KCNN3: variants seen among roughly 807,000 people sequenced by gnomAD.
The protein encoded by KCNN3 is potassium calcium-activated channel subfamily N member 3, also known as small conductance calcium-activated potassium channel protein 3.
A neutral mutation model predicts 62.9 loss-of-function variants in KCNN3; 16 were observed. The observed-to-expected ratio is 0.25, with a 90% confidence interval of 0.17 to 0.39. The LOEUF is 0.39. Among genes scored for constraint, KCNN3 ranks in the 10% least tolerant of loss-of-function variants. The probability of loss-of-function intolerance (pLI) is 1.00; values close to 1 mark genes in which losing one functional copy is unlikely to be tolerated. For missense variants in KCNN3, 599 were observed against 949.4 expected, an observed-to-expected ratio of 0.63 and a Z score of 4.85; for synonymous variants, 370 against 389.2, an observed-to-expected ratio of 0.95 and a Z score of 0.58.
intron 3 of KCNN3, among the ~76,000 whole-genome samples, chr1:154,741,050 C>A (rs1044454408): frequency 6.6e-6 from 1 of 152,196 alleles, no homozygotes; most frequent in Non-Finnish European, 1.5e-5. Context: ...ATCATTCCCT[C>A]CCTGAGATTG....
chr1:154,703,999 T>C lies in KCNN3; in HGVS notation c.*3977A>G, dbSNP rs1351063207. The stretch of plus-strand genomic sequence containing the variant: ...TTAAGATTTTTATTTATTCTGATTT[T>C]GTATGACTAGGTTTCTTCTTTTCCA... On this transcript the variant is annotated 3_prime_UTR_variant, in exon 8 of 8. Coordinates refer to ENST00000271915, the MANE Select transcript of KCNN3 (RefSeq NM_002249.6). 1 of 152,264 alleles carries C rather than the reference T, an allele frequency of 6.6e-6. No individual in the cohort carries two copies. The highest frequency in any genetic ancestry group is 1.5e-5 in the Non-Finnish European group (1 of 68,042). The allele number at this position is 152,264 out of a possible 1,614,324, so 9.4% of individuals were successfully genotyped here. A position where few individuals can be genotyped will look rare whatever the true frequency, so the allele number is the denominator to read the frequency against.
chr1:154,847,290 T>C (rs991101335), intron 1 of KCNN3, among the ~76,000 whole-genome samples: 37 of 150,114 alleles, frequency 2.5e-4, no homozygotes, highest in African/African-American at 9.1e-4. Flanking sequence ...ATCAGGTCAC[T>C]GGCCCCAGAT....
intron 4 of KCNN3, among the ~76,000 whole-genome samples, chr1:154,732,793 C>T (rs1016264544): frequency 6.6e-6 from 1 of 152,224 alleles, no homozygotes; most frequent in Middle Eastern, 3.2e-3. Flanking sequence ...GTCCAGGTCT[C>T]ATTCTTACCT....
Position 154,830,746 on chromosome 1 carries a change from C to T in KCNN3, c.934-8562G>A, listed in dbSNP as rs79730422. Among the ~76,000 whole-genome samples the T allele has an allele frequency of 2.9e-4, 44 of 152,220 alleles. No individual in the cohort carries two copies. The East Asian group carries it at 7.5e-3, about 26-fold the overall frequency. On this transcript the variant is annotated intron_variant, in intron 1 of 7. Coordinates refer to ENST00000271915, the MANE Select transcript of KCNN3 (RefSeq NM_002249.6). ...CATTCAGGTCTGAGCAGAGGGTGGC[C>T]TACTAATTTTTAGTGAAGCCAGCAT...
At position 154,809,826 on chromosome 1, in the gene KCNN3, A is replaced by G. The variant is rs1287133134; in HGVS notation, c.1029+12263T>C. On this transcript the variant is annotated intron_variant, in intron 2 of 7. Coordinates refer to ENST00000271915, the MANE Select transcript of KCNN3 (RefSeq NM_002249.6). This position sits in a 1 kb window ranked among gnomAD's most constrained non-coding sequence, Gnocchi z 4.3. ...GCTGCTTAGCAGCTCATGAGAAGACAGAGGGGTTTTAGTAAATATTCAATT... is the reference window on the plus strand; with the variant it reads ...GCTGCTTAGCAGCTCATGAGAAGACGGAGGGGTTTTAGTAAATATTCAATT... Among the ~76,000 whole-genome samples, 2 of 152,222 alleles carry G rather than the reference A, an allele frequency of 1.3e-5. No individual in the cohort carries two copies. Among genetic ancestry groups the G allele is most frequent in the Admixed American group, 6.5e-5 (1 of 15,280 alleles).
intron 5 of KCNN3, among the ~76,000 whole-genome samples, chr1:154,721,227 T>C (rs530216337): frequency 3.3e-5 from 5 of 152,026 alleles, no homozygotes; most frequent in African/African-American, 9.6e-5. Flanking sequence ...AAAGAAAATA[T>C]CTCCGGTCCA....
At position 154,869,354 on chromosome 1, in the gene KCNN3, T is replaced by C. The variant is rs749672556; in HGVS notation, c.611A>G (p.Glu204Gly). The change falls in exon 1 of 8, where the codon GAG (glutamate) becomes GGG (glycine). Residue 204 changes from glutamate to glycine, a missense_variant. Physicochemically the swap from Glu to Gly is moderately conservative, Grantham distance 98. Coordinates refer to ENST00000271915, the MANE Select transcript of KCNN3 (RefSeq NM_002249.6). The surrounding 1 kb of genome is among the most constrained non-coding windows in gnomAD (Gnocchi z 6.1). ...SRRNLIEAET[E>G]GQPLQLFSPS... Reference sequence around the variant, plus strand: ...GCTGAAAAGCTGGAGGGGTTGGCCCTCAGTCTCGGCCTCGATGAGGTTCCT... The same window carrying C: ...GCTGAAAAGCTGGAGGGGTTGGCCCCCAGTCTCGGCCTCGATGAGGTTCCT... 7.3e-5 allele frequency: 118 copies of C among 1,613,860 alleles called. No individual in the cohort carries two copies. The highest frequency in any genetic ancestry group is 9.6e-5 in the Non-Finnish European group (113 of 1,179,918).
chr1:154,803,779 C>T (rs767564813), intron 2 of KCNN3, among the ~76,000 whole-genome samples: 1 of 152,300 alleles, frequency 6.6e-6, no homozygotes, highest in Middle Eastern at 3.4e-3. Context: ...TTAATCTGAG[C>T]GAGAGATGTG....
intron 2 of KCNN3, among the ~76,000 whole-genome samples, chr1:154,787,160 C>A (rs1177864816): frequency 6.6e-6 from 1 of 152,266 alleles, no homozygotes; most frequent in Non-Finnish European, 1.5e-5. Flanking sequence ...TTCAAGGCCA[C>A]CTCTCCATGT....
At position 154,849,467 on chromosome 1, in the gene KCNN3, A is replaced by G. The variant is rs546419058; in HGVS notation, c.933+19565T>C. On this transcript the variant is annotated intron_variant, in intron 1 of 7. Transcript: ENST00000271915. Reference sequence around the variant, plus strand: ...TCACAGCTGACTAAGCATGCTTCCCATCCGGGTTCCCACTCAGTCCACACC... The same window carrying G: ...TCACAGCTGACTAAGCATGCTTCCCGTCCGGGTTCCCACTCAGTCCACACC... 4.6e-5 allele frequency among the ~76,000 whole-genome samples: 7 copies of G among 152,282 alleles called. No homozygotes were observed. In the South Asian group the frequency reaches 1.5e-3, roughly 32 times the overall value.
chr1:154,869,900 G>A lies in KCNN3; in HGVS notation c.65C>T (p.Pro22Leu). Residue 22 changes from proline to leucine, a missense_variant, in exon 1 of 8, where the codon CCC becomes CTC. Coordinates refer to ENST00000271915, the MANE Select transcript of KCNN3 (RefSeq NM_002249.6). The surrounding 1 kb of genome is among the most constrained non-coding windows in gnomAD (Gnocchi z 6.1). ...CTGCTCATCCCCAGAGGATGGACAG[G>A]GGCACTTGGGGTCTTCATCCAAGTC... ...VGDLDEDPKCPCPSSGDEQQQ... is the reference protein window; with the variant it reads ...VGDLDEDPKCLCPSSGDEQQQ... 4 of 1,608,838 alleles carry A rather than the reference G, an allele frequency of 2.5e-6. No homozygotes were observed. Among genetic ancestry groups the A allele is most frequent in the South Asian group, 2.2e-5 (2 of 90,150 alleles).
chr1:154,714,034 ATGTGTGGTGTGTGCGGGGTGTGTGT>A (rs1700134683), intron 6 of KCNN3, among the ~76,000 whole-genome samples: 1 of 5,836 alleles, frequency 1.7e-4, no homozygotes, highest in Non-Finnish European at 3.0e-4. Context: ...GGTGTGTGTG[ATGTGTGGTGTGTGCGGGGTGTGTGT>A]GTGTGTGGTG....
chr1:154,848,474 C>A (rs766170620), intron 1 of KCNN3, among the ~76,000 whole-genome samples: 1 of 152,176 alleles, frequency 6.6e-6, no homozygotes, highest in African/African-American at 2.4e-5. Flanking sequence ...CACACCACTG[C>A]CCTGCTCACA....
intron 2 of KCNN3, among the ~76,000 whole-genome samples, chr1:154,789,799 C>A (rs1264955103): frequency 1.3e-5 from 2 of 152,158 alleles, no homozygotes; most frequent in East Asian, 3.8e-4. Flanking sequence ...AATTTGCTTT[C>A]CCTAGAACAA....
chr1:154,736,488 T>C (rs909956923), intron 3 of KCNN3, among the ~76,000 whole-genome samples: 1 of 152,256 alleles, frequency 6.6e-6, no homozygotes, highest in African/African-American at 2.4e-5. Context: ...AAAATGATTC[T>C]TCTACATGAA....
chr1:154,738,126 C>T (rs138279051), intron 3 of KCNN3, among the ~76,000 whole-genome samples: 1 of 152,118 alleles, frequency 6.6e-6, no homozygotes, highest in Non-Finnish European at 1.5e-5. Flanking sequence ...CTCACTGTCC[C>T]CAGCACAGTG....
At chr1:154,764,405 C>T (rs2101830632) in intron 3 of KCNN3, among the ~76,000 whole-genome samples, 1 of 152,306 alleles carries the variant, frequency 6.6e-6, no homozygotes, top group Non-Finnish European at 1.5e-5. Context: ...CGCTCAACCT[C>T]TCTGTGTCTC....
intron 2 of KCNN3, among the ~76,000 whole-genome samples, chr1:154,808,025 T>C (rs190236722): frequency 6.3e-4 from 96 of 152,168 alleles, no homozygotes; most frequent in African/African-American, 2.1e-3. Context: ...TCTACACCCG[T>C]CTCCCATCCC....
At position 154,751,791 on chromosome 1, in the gene KCNN3, A is replaced by T. The variant is rs559751936; in HGVS notation, c.1449-18647T>A. Among the ~76,000 whole-genome samples the T allele has an allele frequency of 2.6e-5, 4 of 152,296 alleles. No individual in the cohort carries two copies. The East Asian group carries it at 7.7e-4, about 29-fold the overall frequency. On this transcript the variant is annotated intron_variant, in intron 3 of 7. Coordinates refer to ENST00000271915, the MANE Select transcript of KCNN3 (RefSeq NM_002249.6). ...GCAGCCACCACAGAAGATGCTTGTT[A>T]CACGTTGCCAGGCAACAAAAATGCT...
Sources: allele counts gnomAD v4.1 joint callset (sites outside exome capture counted in the v4.1 genomes callset), GRCh38; gene constraint gnomAD v4.1.1; non-coding constraint Gnocchi (gnomAD v3.1); transcripts MANE v1.5; gene names NCBI Gene and HGNC (gene_info 2026-07-23, HGNC 2026-07-21).